The following TIMM23B variants were observed in gnomAD, a reference collection of about 807,000 sequenced individuals.
TIMM23B encodes translocase of inner mitochondrial membrane 23 homolog B.
TIMM23B carries 27 observed loss-of-function variants against 27.3 expected under a neutral mutation model. The ratio of observed to expected loss-of-function variants is 0.99; its 90% confidence interval spans 0.73 to 1.36. The LOEUF is 1.36. Ranked by LOEUF, TIMM23B falls within the 40% of genes most tolerant of loss-of-function variation. The probability of loss-of-function intolerance (pLI) is 0.00; values close to 1 mark genes in which losing one functional copy is unlikely to be tolerated. For missense variants in TIMM23B, 205 were observed against 244.2 expected (o/e 0.84, Z 1.07); for synonymous variants, 73 against 92.4 (o/e 0.79, Z 1.21).
At position 49,948,832 on chromosome 10, in the gene TIMM23B, CTAAG is replaced by C. The variant is rs1274614995; in HGVS notation, c.166-3286_166-3283del. On this transcript the variant is annotated intron_variant, in intron 2 of 6. Transcript: ENST00000651259. ...ACTAAAAACCACTGAATTGTACACT[CTAAG>C]TAAGTAAATTGTATGGTACATGAGA... Among the ~76,000 whole-genome samples, 700 of 152,264 alleles carry C rather than the reference CTAAG, an allele frequency of 4.6e-3. 2 individuals are homozygous for C. Among genetic ancestry groups the C allele is most frequent in the Middle Eastern group, 0.01 (3 of 294 alleles).
chr10:49,952,447 A>G lies in TIMM23B; in HGVS notation c.260-2A>G. On this transcript the variant is annotated splice_acceptor_variant, in intron 3 of 6. Coordinates refer to ENST00000651259, the MANE Select transcript of TIMM23B (RefSeq NM_001290117.2). LOFTEE classifies it high-confidence loss of function. ...TCTGGGTGAATTTTTATGATTTACC[A>G]GGGGCTGCGTTTGGGGCAATGAATG... is the stretch of plus-strand genomic sequence containing the variant. 1.2e-6 allele frequency: 2 copies of G among 1,613,020 alleles called. No individual in the cohort carries two copies. The highest frequency in any genetic ancestry group is 8.5e-7 in the Non-Finnish European group (1 of 1,179,456).
intron 6 of TIMM23B, among the ~76,000 whole-genome samples, chr10:49,965,756 G>A (rs1470767312): frequency 3.3e-5 from 5 of 151,418 alleles, no homozygotes; most frequent in Non-Finnish European, 5.9e-5. Flanking sequence ...AATGCTGGGT[G>A]TGGTGGCACA....
chr10:49,962,233 T>G (rs1263561736), intron 6 of TIMM23B, among the ~76,000 whole-genome samples: 1 of 151,956 alleles, frequency 6.6e-6, no homozygotes, highest in Non-Finnish European at 1.5e-5. Context: ...AAACGGAGTT[T>G]TGCTCTGTCG....
intron 6 of TIMM23B, chr10:49,970,314 C>T (rs1199391831): frequency 6.3e-6 from 1 of 157,556 alleles, no homozygotes; most frequent in Non-Finnish European, 1.4e-5. Context: ...TGAGGAGCGC[C>T]TTTTCCCGGC....
chr10:49,965,305 T>C (rs192462773), intron 6 of TIMM23B, among the ~76,000 whole-genome samples: 424 of 142,610 alleles, frequency 3.0e-3, no homozygotes, highest in East Asian at 9.7e-3. Context: ...GGTGATAGAG[T>C]GAGTCTCTGT....
chr10:49,952,485 G>C lies in TIMM23B; in HGVS notation c.296G>C (p.Gly99Ala). 1 of 1,613,286 alleles carries C rather than the reference G, an allele frequency of 6.2e-7. No individual in the cohort carries two copies. Residue 99 changes from glycine (G) to alanine (A), a missense_variant, in exon 4 of 7, where the codon GGA (glycine) becomes GCA (alanine). Transcript: ENST00000651259. ...AFGAMNGLRL[G>A]LKETQNMAWS... The stretch of plus-strand genomic sequence containing the variant: ...GGGGCAATGAATGGTCTTCGGCTAG[G>C]ATTGAAGGAAACCCAGAACATGGCC...
chr10:49,956,601 G>GCACACA (rs1839734670), intron 5 of TIMM23B, among the ~76,000 whole-genome samples: 2 of 146,254 alleles, frequency 1.4e-5, no homozygotes, highest in African/African-American at 4.9e-5. Context: ...ATTCTTCCAG[G>GCACACA]CGTTTCTCTG....
Position 49,958,436 on chromosome 10 carries a change from CAGT to C in TIMM23B, c.473_475del (p.Val158del), listed in dbSNP as rs1370614820. 6.2e-7 allele frequency: 1 copy of C among 1,613,686 alleles called. No individual in the cohort carries two copies. The highest frequency in any genetic ancestry group is 8.5e-7 in the Non-Finnish European group (1 of 1,179,762). On this transcript the variant is annotated inframe_deletion, in exon 6 of 7. Transcript: ENST00000651259. Reference sequence around the variant, plus strand: ...CGAGGTGCAGAAGATGACCTTAACACAGTAGCAGCTGGAACCATGACAGGCATG... The same window carrying C: ...CGAGGTGCAGAAGATGACCTTAACACAGCAGCTGGAACCATGACAGGCATG...
At chr10:49,943,982 G>T (rs1204285983) in intron 1 of TIMM23B, among the ~76,000 whole-genome samples, 3 of 152,096 alleles carry the variant, frequency 2.0e-5, no homozygotes, top group Non-Finnish European at 4.4e-5. Flanking sequence ...TGCTTGGGAG[G>T]CAAGTATCCA....
At chr10:49,968,912 C>T (rs1160109575) in intron 6 of TIMM23B, among the ~76,000 whole-genome samples, 1 of 152,164 alleles carries the variant, frequency 6.6e-6, no homozygotes, top group Non-Finnish European at 1.5e-5. Context: ...CCGCCTAATA[C>T]CTTGCTCATC....
intron 6 of TIMM23B, among the ~76,000 whole-genome samples, chr10:49,968,240 G>C (rs1840251817): frequency 6.6e-6 from 1 of 152,242 alleles, no homozygotes; most frequent in South Asian, 2.1e-4. Context: ...GGGCATGCAT[G>C]TTGGAGAAAG....
intron 1 of TIMM23B, among the ~76,000 whole-genome samples, chr10:49,943,737 GTTTTT>G (rs35547755): frequency 1.8e-5 from 2 of 113,630 alleles, no homozygotes; most frequent in African/African-American, 7.0e-5. Context: ...GTTTTTGTGG[GTTTTT>G]TTTTTTTTTT....
intron 2 of TIMM23B, among the ~76,000 whole-genome samples, chr10:49,947,220 T>G (rs1224433647): frequency 9.9e-5 from 15 of 152,246 alleles, no homozygotes; most frequent in African/African-American, 3.6e-4. Flanking sequence ...GACAGTGATT[T>G]CTTGGTTGTG....
chr10:49,964,791 AAATGAAATGAAGAAAT>A (rs1840065067), intron 6 of TIMM23B, among the ~76,000 whole-genome samples: 1 of 151,678 alleles, frequency 6.6e-6, no homozygotes, highest in South Asian at 2.1e-4. Flanking sequence ...GGGTGAAATG[AAATGAAATGAAGAAAT>A]AATGAAATGA....
intron 2 of TIMM23B, among the ~76,000 whole-genome samples, chr10:49,947,399 G>A (rs1839387366): frequency 6.6e-6 from 1 of 152,148 alleles, no homozygotes; most frequent in Non-Finnish European, 1.5e-5. Flanking sequence ...CCTGAGGTCA[G>A]GAGTTCGAGA....
intron 2 of TIMM23B, among the ~76,000 whole-genome samples, chr10:49,948,712 A>T (rs1207705468): frequency 2.0e-5 from 3 of 152,216 alleles, no homozygotes; most frequent in Non-Finnish European, 2.9e-5. Context: ...TTGGGAGTAA[A>T]TGGGCAGTGA....
At chr10:49,969,309 C>T (rs1225846671) in intron 6 of TIMM23B, among the ~76,000 whole-genome samples, 1 of 151,842 alleles carries the variant, frequency 6.6e-6, no homozygotes, top group Non-Finnish European at 1.5e-5. Flanking sequence ...TGGTGGTGGG[C>T]ACCTGTAGTC....
At chr10:49,949,771 A>G (rs1839464735) in intron 2 of TIMM23B, among the ~76,000 whole-genome samples, 1 of 151,076 alleles carries the variant, frequency 6.6e-6, no homozygotes, top group African/African-American at 2.4e-5. Flanking sequence ...TTTTATTTAT[A>G]CTTTTGAAGG....
intron 6 of TIMM23B, 87 bp downstream of exon 6, chr10:49,958,567 G>A (rs1839797670): frequency 5.7e-6 from 6 of 1,060,428 alleles, no homozygotes; most frequent in Middle Eastern, 2.1e-4. Context: ...ATTACACTCT[G>A]TTGCAGTATA....
Sources: gnomAD v4.1 joint callset for allele counts (sites outside exome capture counted in the v4.1 genomes callset) on GRCh38, gnomAD v4.1.1 for gene constraint, MANE v1.5 for transcripts, NCBI Gene and HGNC (gene_info 2026-07-23, HGNC 2026-07-21) for gene names.